The following NTN4 variants were observed in gnomAD, a reference collection of about 807,000 sequenced individuals.
NTN4 encodes the protein netrin-4.
Under a neutral mutation model 73.6 loss-of-function variants are expected in NTN4, and 32 were observed. That is an observed-to-expected ratio of 0.44 (90% confidence interval 0.33 to 0.58). NTN4 has a LOEUF of 0.58. Ranked by LOEUF, NTN4 falls within the 20% of genes least tolerant of loss-of-function variation. The pLI is 0.04. For missense variants in NTN4, 654 were observed against 798.3 expected (o/e 0.82, Z 2.18); for synonymous variants, 258 against 287.5 (o/e 0.90, Z 1.04).
chr12:95,782,892 A>C (rs2121299354), intron 2 of NTN4, among the ~76,000 whole-genome samples: 1 of 152,272 alleles, frequency 6.6e-6, no homozygotes, highest in South Asian at 2.1e-4. Flanking sequence ...GCTGTTTCCT[A>C]ACAGTGATCA....
chr12:95,689,588 G>T (rs1218249006), intron 5 of NTN4, among the ~76,000 whole-genome samples: 1 of 152,158 alleles, frequency 6.6e-6, no homozygotes. Context: ...TGGGAGCTCT[G>T]TTGGTATCTT....
In NTN4 at chr12:95,789,005, T is replaced by G. The variant is rs1565921850; in HGVS notation, c.55+1250A>C. ...GAAAAGGTTTTTTTTAAAGCTCATA[T>G]TTTAAGAGTGCAAGAATTAAAGTAA... On this transcript the variant is annotated intron_variant, in intron 1 of 9. Transcript: ENST00000343702. The surrounding 1 kb of genome is among the most constrained non-coding windows in gnomAD (Gnocchi z 4.0). Among the ~76,000 whole-genome samples, 1 of 152,216 alleles carries G rather than the reference T, an allele frequency of 6.6e-6. No individual in the cohort carries two copies. The highest frequency in any genetic ancestry group is 1.5e-5 in the Non-Finnish European group (1 of 68,040).
intron 5 of NTN4, among the ~76,000 whole-genome samples, chr12:95,706,524 C>T (rs932916945): frequency 6.6e-6 from 1 of 152,108 alleles, no homozygotes; most frequent in African/African-American, 2.4e-5. Context: ...TTAATCTGAG[C>T]TATACATCAT....
At chr12:95,690,467 A>G (rs979452907) in intron 5 of NTN4, among the ~76,000 whole-genome samples, 4 of 152,244 alleles carry the variant, frequency 2.6e-5, no homozygotes, top group African/African-American at 9.6e-5. Flanking sequence ...CTTTATATTC[A>G]TACAGTTATG....
intron 5 of NTN4, among the ~76,000 whole-genome samples, chr12:95,687,383 AATTTTTTT>A (rs1193884458): frequency 6.8e-6 from 1 of 147,708 alleles, no homozygotes; most frequent in Non-Finnish European, 1.5e-5. Context: ...GGTGAAAAAA[AATTTTTTT>A]TTTTGTTTTT....
intron 2 of NTN4, among the ~76,000 whole-genome samples, chr12:95,740,881 A>C (rs182936257): frequency 6.6e-6 from 1 of 152,308 alleles, no homozygotes; most frequent in Admixed American, 6.5e-5. Flanking sequence ...CTTGTCAGAG[A>C]TGCAAATTCT....
Position 95,755,322 on chromosome 12 carries a change from T to C in NTN4, c.586-17178A>G, listed in dbSNP as rs185522604. Among the ~76,000 whole-genome samples the C allele has an allele frequency of 3.3e-5, 5 of 152,316 alleles. No homozygotes were observed. In the East Asian group the frequency reaches 9.6e-4, roughly 29 times the overall value. On this transcript the variant is annotated intron_variant, in intron 2 of 9. Transcript: ENST00000343702. ...TTCTGAAACGGGCTTTCTGCTTCCA[T>C]GGATAGGTGGCCACTTGGAAAGTAT... is the stretch of plus-strand genomic sequence containing the variant.
intron 2 of NTN4, among the ~76,000 whole-genome samples, chr12:95,769,751 C>CTTTT (rs34093723): frequency 1.2e-4 from 14 of 117,106 alleles, no homozygotes; most frequent in South Asian, 2.7e-4. Context: ...AGGTTTCAAT[C>CTTTT]TTTTTTTTTT....
In NTN4 at chr12:95,789,415, G is replaced by A. The variant is rs776753179; in HGVS notation, c.55+840C>T. On this transcript the variant is annotated intron_variant, in intron 1 of 9. Transcript: ENST00000343702. The surrounding 1 kb of genome is among the most constrained non-coding windows in gnomAD (Gnocchi z 4.0). ...CACATCTCTCCCCCTCACCTACAGG[G>A]CTGCGCTTACGCCTAACTGGAAACC... is the stretch of plus-strand genomic sequence containing the variant. Among the ~76,000 whole-genome samples, 9 of 152,184 alleles carry A rather than the reference G, an allele frequency of 5.9e-5. No individual in the cohort carries two copies. Among genetic ancestry groups the A allele is most frequent in the Non-Finnish European group, 1.2e-4 (8 of 68,036 alleles).
chr12:95,695,120 T>C (rs1382613630), intron 5 of NTN4, among the ~76,000 whole-genome samples: 1 of 146,784 alleles, frequency 6.8e-6, no homozygotes, highest in Admixed American at 7.0e-5. Flanking sequence ...AGAGCGAGAC[T>C]GTCTCAAAAA....
chr12:95,683,669 T>C lies in NTN4; in HGVS notation c.1223A>G (p.Asn408Ser), dbSNP rs776957617. Reference protein sequence around the residue: ...HPVGSAVLPANSVTFCDPSNG... With the variant: ...HPVGSAVLPASSVTFCDPSNG... Reference sequence around the variant, plus strand: ...GCTGGGGTCGCAGAAGGTCACTGAGTTGGCAGGAAGGACAGCTGATCCTAC... The same window carrying C: ...GCTGGGGTCGCAGAAGGTCACTGAGCTGGCAGGAAGGACAGCTGATCCTAC... Residue 408 changes from asparagine (N) to serine (S), a missense_variant, in exon 6 of 10, where the codon AAC (asparagine) becomes AGC (serine). By Grantham distance (46) the Asn-to-Ser change is conservative. Coordinates refer to ENST00000343702, the MANE Select transcript of NTN4 (RefSeq NM_021229.4). 1.2e-6 allele frequency: 2 copies of C among 1,613,518 alleles called. No homozygotes were observed. Among genetic ancestry groups the C allele is most frequent in the Non-Finnish European group, 1.7e-6 (2 of 1,179,732 alleles).
chr12:95,777,531 C>T (rs1042317233), intron 2 of NTN4, among the ~76,000 whole-genome samples: 60 of 152,166 alleles, frequency 3.9e-4, no homozygotes, highest in Non-Finnish European at 7.9e-4. Flanking sequence ...ATAAAACAGA[C>T]TTTAAACCAA....
chr12:95,748,613 G>C (rs2078880161), intron 2 of NTN4, among the ~76,000 whole-genome samples: 1 of 151,814 alleles, frequency 6.6e-6, no homozygotes, highest in African/African-American at 2.4e-5. Flanking sequence ...TGGAATTACA[G>C]GCACATGCCA....
At chr12:95,743,962 C>T (rs2078843788) in intron 2 of NTN4, among the ~76,000 whole-genome samples, 1 of 152,042 alleles carries the variant, frequency 6.6e-6, no homozygotes, top group Non-Finnish European at 1.5e-5. Context: ...AGGGCAGTAG[C>T]GCGATCTTGG....
intron 3 of NTN4, among the ~76,000 whole-genome samples, chr12:95,719,090 G>A (rs2121110254): frequency 6.6e-6 from 1 of 152,254 alleles, no homozygotes; most frequent in South Asian, 2.1e-4. Flanking sequence ...ACTATTGTTT[G>A]AGTCTCTTGT....
At chr12:95,778,669 A>G (rs1452425266) in intron 2 of NTN4, among the ~76,000 whole-genome samples, 1 of 152,188 alleles carries the variant, frequency 6.6e-6, no homozygotes, top group Admixed American at 6.5e-5. Context: ...GCAATAATTA[A>G]TAGCTTACCA....
intron 2 of NTN4, among the ~76,000 whole-genome samples, chr12:95,741,382 GGTAT>G (rs1196219145): frequency 8.1e-6 from 1 of 123,242 alleles, no homozygotes; most frequent in African/African-American, 3.0e-5. Context: ...CTTTATCATA[GGTAT>G]GTATGTATAG....
intron 5 of NTN4, among the ~76,000 whole-genome samples, chr12:95,695,034 A>G (rs2078430376): frequency 6.6e-6 from 1 of 152,022 alleles, no homozygotes; most frequent in Non-Finnish European, 1.5e-5. Context: ...AGGATGAGGC[A>G]CAAGAATGGT....
At chr12:95,661,872 C>G (rs2078140161) in intron 9 of NTN4, among the ~76,000 whole-genome samples, 1 of 152,086 alleles carries the variant, frequency 6.6e-6, no homozygotes, top group Non-Finnish European at 1.5e-5. Flanking sequence ...GACTGAAAAA[C>G]TAGATATAAC....
Sources: allele counts gnomAD v4.1 joint callset (sites outside exome capture counted in the v4.1 genomes callset), GRCh38; gene constraint gnomAD v4.1.1; non-coding constraint Gnocchi (gnomAD v3.1); transcripts MANE v1.5; gene names NCBI Gene and HGNC (gene_info 2026-07-23, HGNC 2026-07-21).